CPSF3: variants seen among roughly 807,000 people sequenced by gnomAD.
CPSF3 encodes the protein cleavage and polyadenylation specificity factor subunit 3.
CPSF3 carries 57 observed loss-of-function variants against 84.1 expected under a neutral mutation model. The observed-to-expected ratio is 0.68, with a 90% CI of 0.55 to 0.85. CPSF3 has a LOEUF of 0.85. CPSF3 is among the 40% of genes least tolerant of loss of function. The probability of loss-of-function intolerance (pLI) is 0.00; values close to 1 mark genes in which losing one functional copy is unlikely to be tolerated. For missense variants in CPSF3, 522 were observed against 838.8 expected (o/e 0.62, Z 4.66); for synonymous variants, 275 against 278.1 (o/e 0.99, Z 0.11).
intron 16 of CPSF3, among the ~76,000 whole-genome samples, chr2:9,468,619 CTTT>C (rs5829213): frequency 4.0e-4 from 43 of 108,306 alleles, no homozygotes; most frequent in African/African-American, 1.1e-3. Flanking sequence ...CTACACTGAC[CTTT>C]TTTTTTTTTT....
chr2:9,466,482 A>G (rs887573151), intron 15 of CPSF3, among the ~76,000 whole-genome samples: 8 of 152,232 alleles, frequency 5.3e-5, no homozygotes, highest in African/African-American at 1.9e-4. Context: ...ATGTAGTCCC[A>G]GCTACCTGGG....
intron 1 of CPSF3, among the ~76,000 whole-genome samples, chr2:9,426,613 C>G (rs1283618378): frequency 6.6e-6 from 1 of 152,046 alleles, no homozygotes; most frequent in Non-Finnish European, 1.5e-5. Flanking sequence ...GGAATATCAA[C>G]ATTTAAAGGG....
At chr2:9,466,330 G>GAC (rs1558466429) in intron 15 of CPSF3, among the ~76,000 whole-genome samples, 4 of 124,332 alleles carry the variant, frequency 3.2e-5, no homozygotes, top group Non-Finnish European at 4.8e-5. Context: ...GCACACAGAC[G>GAC]CACGCACACA....
intron 11 of CPSF3, among the ~76,000 whole-genome samples, chr2:9,450,036 G>T (rs995653572): frequency 2.0e-5 from 3 of 151,910 alleles, no homozygotes; most frequent in African/African-American, 7.3e-5. Context: ...ACACTCTGTT[G>T]CCGAGGCTGG....
chr2:9,425,253 C>G (rs984482070), intron 1 of CPSF3, among the ~76,000 whole-genome samples: 1 of 152,224 alleles, frequency 6.6e-6, no homozygotes. Context: ...GATGAAGCGA[C>G]AGGCAGTTGA....
At chr2:9,423,873 G>T in intron 1 of CPSF3, 50 bp downstream of exon 1, 1 of 1,604,926 alleles carries the variant, frequency 6.2e-7, no homozygotes, top group Non-Finnish European at 8.5e-7. Flanking sequence ...TGAGGGGCGC[G>T]AGGGGTAACC....
chr2:9,436,409 T>G, intron 7 of CPSF3, 48 bp downstream of exon 7: 1 of 1,557,670 alleles, frequency 6.4e-7, no homozygotes, highest in Non-Finnish European at 8.7e-7. Flanking sequence ...TCTTGTCATT[T>G]TATCAAGATA....
intron 17 of CPSF3, 93 bp from the exon 18 acceptor site, chr2:9,472,823 T>G: frequency 4.2e-5 from 38 of 898,550 alleles, no homozygotes; most frequent in East Asian, 1.1e-4. Flanking sequence ...TAATTTTTTA[T>G]GAGATGATGG....
intron 11 of CPSF3, among the ~76,000 whole-genome samples, chr2:9,450,094 C>T (rs1240555360): frequency 1.3e-5 from 2 of 151,168 alleles, no homozygotes; most frequent in Admixed American, 6.6e-5. Context: ...CCTCCCTAGG[C>T]TCAGCTGATC....
intron 1 of CPSF3, among the ~76,000 whole-genome samples, chr2:9,428,446 T>G (rs1268794362): frequency 6.6e-6 from 1 of 152,190 alleles, no homozygotes; most frequent in Non-Finnish European, 1.5e-5. Context: ...AAATACATTA[T>G]AATTTAATCC....
At chr2:9,433,327 G>C (rs1430928091) in intron 5 of CPSF3, among the ~76,000 whole-genome samples, 1 of 152,210 alleles carries the variant, frequency 6.6e-6, no homozygotes, top group African/African-American at 2.4e-5. Context: ...ACGTCAGCCA[G>C]AGAACCAATG....
chr2:9,444,046 A>G (rs572427614), intron 10 of CPSF3, among the ~76,000 whole-genome samples: 159 of 151,992 alleles, frequency 1.0e-3, no homozygotes, highest in South Asian at 2.1e-3. Flanking sequence ...AATAGGAATA[A>G]TAGCTCATAA....
Position 9,442,744 on chromosome 2 carries a change from C to T in CPSF3, c.1095+768C>T, listed in dbSNP as rs137928567. On this transcript the variant is annotated intron_variant, in intron 9 of 17. Transcript: ENST00000238112. ...GCGTATGCCTGTAATCCCAGCTACT[C>T]GGGAGGCTGAGGCAGGGAGAATTGC... Among the ~76,000 whole-genome samples the T allele has an allele frequency of 5.3e-3, 800 of 151,728 alleles. 6 individuals carry two copies. Among genetic ancestry groups the T allele is most frequent in the African/African-American group, 0.018 (739 of 41,276 alleles).
chr2:9,432,869 A>G (rs1680641166), intron 5 of CPSF3, among the ~76,000 whole-genome samples, 181 bp downstream of exon 5: 1 of 152,158 alleles, frequency 6.6e-6, no homozygotes, highest in African/African-American at 2.4e-5. Context: ...CTCCATTACA[A>G]TACTTTCTTT....
At position 9,455,655 on chromosome 2, in the gene CPSF3, T is replaced by G; in HGVS notation, c.1505-4T>G. ...CTTCAAGTCTCTTCTCATTTTCTCT[T>G]CAGATTATACTGACCTGGCCATGAG... On this transcript the variant is annotated splice_polypyrimidine_tract_variant and splice_region_variant and intron_variant, in intron 12 of 17. Transcript: ENST00000238112. 2.5e-6 allele frequency: 4 copies of G among 1,607,918 alleles called. No homozygotes were observed. Among genetic ancestry groups the G allele is most frequent in the Non-Finnish European group, 3.4e-6 (4 of 1,175,430 alleles).
intron 15 of CPSF3, among the ~76,000 whole-genome samples, chr2:9,466,193 C>T (rs1453802834): frequency 8.1e-5 from 12 of 148,898 alleles, no homozygotes; most frequent in East Asian, 3.9e-4. Flanking sequence ...CACACACACG[C>T]GCTCACACAC....
intron 11 of CPSF3, among the ~76,000 whole-genome samples, chr2:9,450,147 A>ATT (rs750560891): frequency 2.0e-4 from 25 of 122,656 alleles, no homozygotes; most frequent in African/African-American, 3.9e-4. Flanking sequence ...ACAGGCACAA[A>ATT]TTTTTTTTTT....
Position 9,441,976 on chromosome 2 carries a change from G to C in CPSF3, c.1095G>C (p.Lys365Asn). The C allele has an allele frequency of 2.5e-6, 4 of 1,614,024 alleles. No homozygotes were observed. The highest frequency in any genetic ancestry group is 3.4e-6 in the Non-Finnish European group (4 of 1,179,926). The part of the protein sequence containing the change: ...AGYCVEGTLA[K>N]HIMSEPEEIT... ...ACTGTGTAGAAGGGACACTTGCCAA[G>C]GTCAGTTACAGTCATAGGCTGTTGT... Residue 365 changes from lysine (K) to asparagine (N), a missense_variant and splice_region_variant, in exon 9 of 18, where the codon AAG becomes AAC. Lys to Asn is a moderately conservative substitution (Grantham distance 94). Coordinates refer to ENST00000238112, the MANE Select transcript of CPSF3 (RefSeq NM_016207.4).
intron 12 of CPSF3, 66 bp downstream of exon 12, chr2:9,453,087 T>C: frequency 1.0e-6 from 1 of 963,774 alleles, no homozygotes; most frequent in Non-Finnish European, 1.5e-6. Flanking sequence ...TATGAAAACT[T>C]CTCTTCACCT....
Sources: allele counts gnomAD v4.1 joint callset (sites outside exome capture counted in the v4.1 genomes callset), GRCh38; gene constraint gnomAD v4.1.1; transcripts MANE v1.5; gene names NCBI Gene and HGNC (gene_info 2026-07-23, HGNC 2026-07-21).